Variants in SRPK2 observed in about 807,000 individuals in gnomAD.
SRPK2 encodes the protein SRSF protein kinase 2.
Under a neutral mutation model 90.8 loss-of-function variants are expected in SRPK2, and 21 were observed. That is an observed-to-expected ratio of 0.23 (90% CI 0.16 to 0.33). The LOEUF (loss-of-function observed/expected upper bound fraction) is 0.33. Among genes scored for constraint, SRPK2 ranks in the 10% least tolerant of loss-of-function variants. The pLI is 1.00. For missense variants in SRPK2, 620 were observed against 869.0 expected, an observed-to-expected ratio of 0.71 and a Z score of 3.60; for synonymous variants, 288 against 311.1, an observed-to-expected ratio of 0.93 and a Z score of 0.78.
intron 2 of SRPK2, among the ~76,000 whole-genome samples, chr7:105,379,074 T>C (rs1422353654): frequency 6.6e-6 from 1 of 151,894 alleles, no homozygotes; most frequent in African/African-American, 2.4e-5. Context: ...GGAGGATCAT[T>C]TGAGGCCAGG....
intron 2 of SRPK2, among the ~76,000 whole-genome samples, chr7:105,294,050 A>T (rs1809451052): frequency 2.0e-5 from 3 of 152,170 alleles, no homozygotes. Flanking sequence ...AACATACAAC[A>T]TAGCCAAATC....
At chr7:105,287,648 A>G (rs1808348352) in intron 2 of SRPK2, among the ~76,000 whole-genome samples, 1 of 152,094 alleles carries the variant, frequency 6.6e-6, no homozygotes, top group Admixed American at 6.5e-5. Flanking sequence ...AGGTAGGAGA[A>G]TCGCTTGAAC....
upstream of SRPK2, among the ~76,000 whole-genome samples, chr7:105,394,219 C>T (rs559222394): frequency 4.6e-5 from 7 of 151,360 alleles, no homozygotes; most frequent in South Asian, 4.2e-4. Flanking sequence ...TTCGGCTCAC[C>T]GCAACCTCTG....
intron 7 of SRPK2, among the ~76,000 whole-genome samples, chr7:105,150,558 A>G (rs1805494196): frequency 6.6e-6 from 1 of 152,210 alleles, no homozygotes; most frequent in Non-Finnish European, 1.5e-5. Flanking sequence ...CAAAGGACCA[A>G]TAGTAAGAAA....
At chr7:105,249,028 C>A (rs1802121610) in intron 2 of SRPK2, among the ~76,000 whole-genome samples, 1 of 152,118 alleles carries the variant, frequency 6.6e-6, no homozygotes, top group Admixed American at 6.6e-5. Flanking sequence ...TGTGTCTGTT[C>A]TATTTGATGA....
chr7:105,184,210 C>T (rs1192263051), intron 3 of SRPK2, among the ~76,000 whole-genome samples: 1 of 151,702 alleles, frequency 6.6e-6, no homozygotes, highest in Non-Finnish European at 1.5e-5. Flanking sequence ...AACTCCTGAC[C>T]TCAAATGATC....
chr7:105,243,380 T>C (rs1420666582), intron 2 of SRPK2, among the ~76,000 whole-genome samples: 1 of 152,092 alleles, frequency 6.6e-6, no homozygotes, highest in Non-Finnish European at 1.5e-5. Context: ...GGATCAAAGG[T>C]GGCAAGATTA....
chr7:105,331,637 C>G (rs1303520804), intron 2 of SRPK2, among the ~76,000 whole-genome samples: 1 of 152,116 alleles, frequency 6.6e-6, no homozygotes, highest in African/African-American at 2.4e-5. Flanking sequence ...TGCTTAGGCC[C>G]TGATTTTTCA....
chr7:105,129,413 T>C (rs920819491), intron 13 of SRPK2, among the ~76,000 whole-genome samples: 2 of 152,176 alleles, frequency 1.3e-5, no homozygotes, highest in Admixed American at 6.5e-5. Context: ...TAACCTTCTA[T>C]TGCCCAGGCT....
intron 3 of SRPK2, among the ~76,000 whole-genome samples, chr7:105,170,464 G>A (rs139019408): frequency 0.012 from 1,833 of 151,842 alleles, 38 homozygotes; most frequent in African/African-American, 0.042. Flanking sequence ...AGGCCAAGGC[G>A]GGCAGATCAC....
At chr7:105,231,724 G>A (rs1799446491) in intron 2 of SRPK2, among the ~76,000 whole-genome samples, 1 of 152,118 alleles carries the variant, frequency 6.6e-6, no homozygotes, top group Non-Finnish European at 1.5e-5. Flanking sequence ...CTTTTGAAAA[G>A]TGTCTATGTC....
At chr7:105,205,842 C>A in intron 2 of SRPK2, 1 of 490,360 alleles carries the variant, frequency 2.0e-6, no homozygotes. Context: ...TTGTCTGACA[C>A]ATTTCCTCAA....
chr7:105,129,001 C>T lies in SRPK2; in HGVS notation c.1753-1939G>A, dbSNP rs544139053. On this transcript the variant is annotated intron_variant, in intron 13 of 15. Coordinates refer to ENST00000393651, the MANE Select transcript of SRPK2 (RefSeq NM_182692.3). ...ATAATTTTTTTTTGAGACGGAGTCT[C>T]GCTCTGTCACCCAGGCTGGAGTGCA... 5.3e-5 allele frequency among the ~76,000 whole-genome samples: 8 copies of T among 152,316 alleles called. No homozygotes were observed. In the East Asian group the frequency reaches 1.4e-3, roughly 26 times the overall value.
At chr7:105,348,500 C>A (rs993868006) in intron 2 of SRPK2, among the ~76,000 whole-genome samples, 1 of 150,624 alleles carries the variant, frequency 6.6e-6, no homozygotes, top group Non-Finnish European at 1.5e-5. Context: ...TCACGGCTCA[C>A]TGCAACCTCC....
chr7:105,346,247 C>T (rs546071786), intron 2 of SRPK2, among the ~76,000 whole-genome samples: 10 of 152,158 alleles, frequency 6.6e-5, no homozygotes, highest in South Asian at 2.1e-4. Flanking sequence ...TTCCAATTTA[C>T]TAATTGGCTT....
intron 2 of SRPK2, among the ~76,000 whole-genome samples, chr7:105,245,378 G>A (rs1801502887): frequency 6.6e-6 from 1 of 152,114 alleles, no homozygotes; most frequent in Non-Finnish European, 1.5e-5. Flanking sequence ...AGATAAGAAG[G>A]GTAAAAGAGC....
At chr7:105,251,254 T>C (rs1343641780) in intron 2 of SRPK2, among the ~76,000 whole-genome samples, 1 of 152,242 alleles carries the variant, frequency 6.6e-6, no homozygotes, top group Non-Finnish European at 1.5e-5. Flanking sequence ...GTAAAAGATC[T>C]GGTGTTTCTT....
At chr7:105,132,713 CAG>C (rs1416918234) in intron 13 of SRPK2, 76 bp downstream of exon 13, 3 of 1,204,954 alleles carry the variant, frequency 2.5e-6, no homozygotes, top group African/African-American at 3.0e-5. Context: ...TCGCATGCCT[CAG>C]AGAGACTCAG....
intron 7 of SRPK2, among the ~76,000 whole-genome samples, chr7:105,157,548 G>A (rs1432874649): frequency 1.3e-5 from 2 of 152,152 alleles, no homozygotes; most frequent in Non-Finnish European, 2.9e-5. Flanking sequence ...TTCTGCGTAA[G>A]CTTAGGGGGA....
Sources: allele counts gnomAD v4.1 joint callset (sites outside exome capture counted in the v4.1 genomes callset), GRCh38; gene constraint gnomAD v4.1.1; transcripts MANE v1.5; gene names NCBI Gene and HGNC (gene_info 2026-07-23, HGNC 2026-07-21).